The following CACNA1E variants were observed in gnomAD, a reference collection of about 807,000 sequenced individuals.
CACNA1E encodes the protein voltage-dependent R-type calcium channel subunit alpha-1E.
Under a neutral mutation model 259.2 loss-of-function variants are expected in CACNA1E, and 40 were observed. That is an observed-to-expected ratio of 0.15 (90% CI 0.12 to 0.20). CACNA1E has a LOEUF of 0.20. Among genes scored for constraint, CACNA1E ranks in the 10% least tolerant of loss-of-function variants. CACNA1E has a pLI of 1.00. For synonymous variants in CACNA1E, 1,104 were observed against 1,138.5 expected (o/e 0.97, Z 0.61); for missense variants, 1,874 against 3,040.1 (o/e 0.62, Z 9.02).
chr1:181,475,674 G>A (rs760483886), intron 2 of CACNA1E, among the ~76,000 whole-genome samples: 5 of 152,170 alleles, frequency 3.3e-5, no homozygotes. Flanking sequence ...TAAGGTGTCT[G>A]GCCATTTTAT....
intron 1 of CACNA1E, among the ~76,000 whole-genome samples, chr1:181,323,071 G>T (rs1410109412): frequency 6.6e-6 from 1 of 152,206 alleles, no homozygotes; most frequent in Non-Finnish European, 1.5e-5. Context: ...CACTGTAGTT[G>T]CAAAAATGCA....
At position 181,807,015 on chromosome 1, in the gene CACNA1E, G is replaced by C. The variant is rs1237249155; in HGVS notation, c.*8181G>C. 1 of 151,926 alleles carries C rather than the reference G, an allele frequency of 6.6e-6. No homozygotes were observed. Among genetic ancestry groups the C allele is most frequent in the African/African-American group, 2.4e-5 (1 of 41,352 alleles). 9.4% of individuals were successfully genotyped at this position (151,926 alleles called of 1,614,324 possible). A position where few individuals can be genotyped will look rare whatever the true frequency, so the allele number is the denominator to read the frequency against. On this transcript the variant is annotated 3_prime_UTR_variant, in exon 48 of 48. Coordinates refer to ENST00000367573, the MANE Select transcript of CACNA1E (RefSeq NM_001205293.3). ...TTTGTTAAAAAATGCACTTTGTGCT[G>C]TGTGTGGTAGCTCGTATGTGTTACC...
intron 1 of CACNA1E, among the ~76,000 whole-genome samples, chr1:181,390,749 C>T (rs1411584918): frequency 6.6e-6 from 1 of 152,120 alleles, no homozygotes; most frequent in South Asian, 2.1e-4. Flanking sequence ...CTGTGGAGGT[C>T]AGAGAGTTGG....
intron 3 of CACNA1E, among the ~76,000 whole-genome samples, chr1:181,547,652 A>G (rs1647637937): frequency 6.6e-6 from 1 of 152,234 alleles, no homozygotes. Context: ...ATTCTCGCCC[A>G]CAGCTGACTG....
chr1:181,651,615 T>G, intron 7 of CACNA1E, 174 bp downstream of exon 7: 1 of 552,758 alleles, frequency 1.8e-6, no homozygotes, highest in South Asian at 2.4e-5. Flanking sequence ...TGAACCATCA[T>G]TCTAATAATC....
intron 17 of CACNA1E, 94 bp downstream of exon 17, chr1:181,724,631 C>G: frequency 9.7e-7 from 1 of 1,029,994 alleles, no homozygotes; most frequent in Non-Finnish European, 1.5e-6. Context: ...CATTGTCTGA[C>G]TCAGGCCTGC....
chr1:181,472,117 G>A (rs1000528372), intron 2 of CACNA1E, among the ~76,000 whole-genome samples: 4 of 151,286 alleles, frequency 2.6e-5, no homozygotes, highest in Non-Finnish European at 5.9e-5. Flanking sequence ...GCCCCAACAT[G>A]GATGGACCTG....
intron 3 of CACNA1E, among the ~76,000 whole-genome samples, chr1:181,528,916 C>T (rs1000381807): frequency 6.6e-6 from 1 of 152,106 alleles, no homozygotes; most frequent in Non-Finnish European, 1.5e-5. Flanking sequence ...GAAGAAAAAC[C>T]CATTTTTTGA....
chr1:181,518,487 G>C (rs1262564569), intron 3 of CACNA1E, among the ~76,000 whole-genome samples: 1 of 152,164 alleles, frequency 6.6e-6, no homozygotes, highest in African/African-American at 2.4e-5. Context: ...GAAAAGATAA[G>C]GTTAGAATAT....
At chr1:181,518,889 A>G (rs1666789000) in intron 3 of CACNA1E, among the ~76,000 whole-genome samples, 1 of 152,184 alleles carries the variant, frequency 6.6e-6, no homozygotes, top group Non-Finnish European at 1.5e-5. Flanking sequence ...TGATATCACC[A>G]AAGAGGAGGA....
At chr1:181,518,667 G>C (rs1666771961) in intron 3 of CACNA1E, among the ~76,000 whole-genome samples, 2 of 152,110 alleles carry the variant, frequency 1.3e-5, no homozygotes, top group African/African-American at 4.8e-5. Context: ...GGGTGGGAGG[G>C]AATTTTTTCT....
At chr1:181,428,530 TG>T (rs1659472758) in intron 2 of CACNA1E, among the ~76,000 whole-genome samples, 1 of 151,800 alleles carries the variant, frequency 6.6e-6, no homozygotes, top group African/African-American at 2.4e-5. Context: ...GTGCCTGCTG[TG>T]GGGTAGGGGA....
chr1:181,555,673 T>C (rs1038950881), intron 3 of CACNA1E, among the ~76,000 whole-genome samples: 4 of 152,258 alleles, frequency 2.6e-5, no homozygotes, highest in African/African-American at 9.6e-5. Context: ...CAGTCATTCT[T>C]CCATCCCTGG....
At chr1:181,357,219 C>G (rs6678262) in intron 1 of CACNA1E, among the ~76,000 whole-genome samples, 8,135 of 152,206 alleles carry the variant, frequency 0.053, 347 homozygotes, top group African/African-American at 0.12. Context: ...TCTCTGGAAG[C>G]CTGGGTTGTC....
chr1:181,560,661 A>G (rs1649234085), intron 3 of CACNA1E, among the ~76,000 whole-genome samples: 2 of 152,362 alleles, frequency 1.3e-5, no homozygotes. Flanking sequence ...AAAATTAAAC[A>G]TAATATGATT....
chr1:181,557,298 G>T (rs1322573483), intron 3 of CACNA1E, among the ~76,000 whole-genome samples: 7 of 152,192 alleles, frequency 4.6e-5, no homozygotes, highest in African/African-American at 1.4e-4. Context: ...CCATAGAAAG[G>T]GCTGCTGTGG....
intron 6 of CACNA1E, among the ~76,000 whole-genome samples, chr1:181,643,583 C>A (rs1299556683): frequency 6.6e-6 from 1 of 152,178 alleles, no homozygotes; most frequent in Non-Finnish European, 1.5e-5. Flanking sequence ...CCAGCCCTTG[C>A]AGCTGACCGG....
chr1:181,642,154 C>T (rs1440536204), intron 6 of CACNA1E, among the ~76,000 whole-genome samples: 1 of 151,932 alleles, frequency 6.6e-6, no homozygotes, highest in African/African-American at 2.4e-5. Flanking sequence ...TACTTCCGTA[C>T]CCAATAAGTG....
chr1:181,421,652 C>T (rs766096386), intron 2 of CACNA1E, among the ~76,000 whole-genome samples: 1 of 152,180 alleles, frequency 6.6e-6, no homozygotes, highest in Non-Finnish European at 1.5e-5. Context: ...CACTATTTCT[C>T]CAGTTGTCCG....
Sources: gnomAD v4.1 joint callset for allele counts (sites outside exome capture counted in the v4.1 genomes callset) on GRCh38, gnomAD v4.1.1 for gene constraint, MANE v1.5 for transcripts, NCBI Gene and HGNC (gene_info 2026-07-23, HGNC 2026-07-21) for gene names.